ANAPC1: variants seen among roughly 807,000 people sequenced by gnomAD.
ANAPC1 encodes the protein anaphase-promoting complex subunit 1.
ANAPC1 carries 36 observed loss-of-function variants against 208.0 expected under a neutral mutation model. The observed-to-expected ratio is 0.17, with a 90% confidence interval of 0.13 to 0.23. The LOEUF is 0.23. Among genes scored for constraint, ANAPC1 ranks in the 10% least tolerant of loss-of-function variants. The probability of loss-of-function intolerance (pLI) is 1.00; values close to 1 mark genes in which losing one functional copy is unlikely to be tolerated. For synonymous variants in ANAPC1, 378 were observed against 695.2 expected (o/e 0.54, Z 7.18); for missense variants, 942 against 2,011.6 (o/e 0.47, Z 10.17).
At chr2:111,772,011 A>G (rs1676766813) in intron 47 of ANAPC1, among the ~76,000 whole-genome samples, 1 of 148,634 alleles carries the variant, frequency 6.7e-6, no homozygotes, top group Non-Finnish European at 1.5e-5. Context: ...GTGATTCTAA[A>G]AAACCCAACT....
chr2:111,861,423 G>C (rs1396773611), intron 10 of ANAPC1, among the ~76,000 whole-genome samples: 6 of 152,174 alleles, frequency 3.9e-5, no homozygotes, highest in Non-Finnish European at 8.8e-5. Context: ...AAACCAGAGT[G>C]GAAGTACTTG....
chr2:111,797,392 G>T (rs1485841896), intron 34 of ANAPC1, among the ~76,000 whole-genome samples: 3 of 151,962 alleles, frequency 2.0e-5, no homozygotes, highest in African/African-American at 7.3e-5. Flanking sequence ...GAAAGAAAAA[G>T]TATTTCATCC....
intron 22 of ANAPC1, 49 bp downstream of exon 22, chr2:111,825,728 C>G (rs1362248405): frequency 6.4e-7 from 1 of 1,569,226 alleles, no homozygotes; most frequent in Non-Finnish European, 8.7e-7. Flanking sequence ...AATTCTGATA[C>G]TGACATTTAC....
chr2:111,874,600 T>C (rs933743952), intron 3 of ANAPC1, among the ~76,000 whole-genome samples: 1 of 152,196 alleles, frequency 6.6e-6, no homozygotes, highest in African/African-American at 2.4e-5. Flanking sequence ...TGTATCAGAA[T>C]TTTATCCCTT....
chr2:111,863,068 G>C (rs13021896), intron 9 of ANAPC1, among the ~76,000 whole-genome samples: 1 of 151,598 alleles, frequency 6.6e-6, no homozygotes, highest in African/African-American at 2.4e-5. Flanking sequence ...AAATAAAATA[G>C]TGCCACAGTA....
Position 111,769,678 on chromosome 2 carries a change from T to TTC in ANAPC1, c.5720-273_5720-272insGA, listed in dbSNP as rs1491030613. 3.3e-4 allele frequency among the ~76,000 whole-genome samples: 12 copies of TTC among 36,692 alleles called. 1 individual carries two copies. Among genetic ancestry groups the TTC allele is most frequent in the Non-Finnish European group, 2.4e-4 (4 of 16,740 alleles). The allele number at this position is 36,692 out of a possible 152,430, so 24.1% of individuals were successfully genotyped here. A position where few individuals can be genotyped will look rare whatever the true frequency, so the allele number is the denominator to read the frequency against. On this transcript the variant is annotated intron_variant, in intron 47 of 47. Transcript: ENST00000341068. ...ATATCTGCATTACACCTACTGGCTT[T>TTC]CTTTTTTTTTTTTTTTTTTTGGAGA...
intron 7 of ANAPC1, among the ~76,000 whole-genome samples, chr2:111,867,651 C>G (rs1682505989): frequency 6.6e-6 from 1 of 150,834 alleles, no homozygotes; most frequent in Admixed American, 6.6e-5. Context: ...GAGATCACAC[C>G]ACTGCACTCC....
At chr2:111,826,137 C>G (rs1679818622) in intron 21 of ANAPC1, among the ~76,000 whole-genome samples, 1 of 152,216 alleles carries the variant, frequency 6.6e-6, no homozygotes, top group Non-Finnish European at 1.5e-5. Flanking sequence ...ATCCTTCTGC[C>G]TCAGCCTCCC....
intron 17 of ANAPC1, among the ~76,000 whole-genome samples, chr2:111,838,763 G>A (rs1044853804): frequency 1.3e-5 from 2 of 152,130 alleles, no homozygotes; most frequent in African/African-American, 2.4e-5. Flanking sequence ...GATTTTAATG[G>A]TAGTTTCCTT....
chr2:111,816,879 A>G (rs1679264843), intron 27 of ANAPC1, among the ~76,000 whole-genome samples: 1 of 109,182 alleles, frequency 9.2e-6, no homozygotes, highest in Non-Finnish European at 1.9e-5. Context: ...CTCAACTGCT[A>G]GTGTTAGCAC....
rs34574346 is a variant in ANAPC1, at chr2:111,826,665, A to ATT, written c.2626-812_2626-811dup. 1.2e-3 allele frequency among the ~76,000 whole-genome samples: 168 copies of ATT among 139,292 alleles called. 1 individual carries two copies. Among genetic ancestry groups the ATT allele is most frequent in the African/African-American group, 1.5e-3 (56 of 37,116 alleles). 91.4% of individuals were successfully genotyped at this position (139,292 alleles called of 152,430 possible). ...CCAAAGCTGCTTTATTTATTTATTT[A>ATT]TTTTTTTTTTTTTTGAGACGGAGTC... is the stretch of plus-strand genomic sequence containing the variant. On this transcript the variant is annotated intron_variant, in intron 21 of 47. Transcript: ENST00000341068.
chr2:111,793,290 G>C (rs1278270264), intron 37 of ANAPC1, among the ~76,000 whole-genome samples: 1 of 151,936 alleles, frequency 6.6e-6, no homozygotes, highest in African/African-American at 2.4e-5. Flanking sequence ...CCAGGCTGAA[G>C]TGCAGTGATG....
At chr2:111,854,444 G>A (rs1313936407) in intron 13 of ANAPC1, among the ~76,000 whole-genome samples, 1 of 152,182 alleles carries the variant, frequency 6.6e-6, no homozygotes, top group East Asian at 1.9e-4. Context: ...GTCACCAGCT[G>A]CATTAGCCCC....
At chr2:111,798,310 G>A (rs1230201975) in intron 34 of ANAPC1, among the ~76,000 whole-genome samples, 2 of 152,182 alleles carry the variant, frequency 1.3e-5, no homozygotes, top group African/African-American at 4.8e-5. Context: ...TGTGTTTACC[G>A]TGCTTGAACT....
chr2:111,846,423 TAATAC>T (rs1202898871), intron 16 of ANAPC1, among the ~76,000 whole-genome samples: 5 of 131,132 alleles, frequency 3.8e-5, no homozygotes, highest in East Asian at 4.2e-4. Context: ...AAAACATCAT[TAATAC>T]ATTACAGAAA....
At chr2:111,865,626 GGTTT>G (rs1682361438) in intron 7 of ANAPC1, among the ~76,000 whole-genome samples, 1 of 151,778 alleles carries the variant, frequency 6.6e-6, no homozygotes, top group Non-Finnish European at 1.5e-5. Context: ...GAGAATTTTT[GGTTT>G]TTTTCATACA....
rs762732205 is a variant in ANAPC1 at position 111,856,679 on chromosome 2, T to C, written c.1450A>G (p.Lys484Glu). Reference protein sequence around the residue: ...IPAKDAAPVEKIDTMLVLEGS... With the variant: ...IPAKDAAPVEEIDTMLVLEGS... ...TCCAAGACCAGCATGGTGTCTATTT[T>C]CTAAAAAAACAAAAAAGACAAAAAA... The change falls in exon 13 of 48, where the codon AAA (lysine) becomes GAA (glutamate). Residue 484 changes from lysine to glutamate, a missense_variant and splice_region_variant. Transcript: ENST00000341068. 1.3e-5 allele frequency: 21 copies of C among 1,613,768 alleles called. No homozygotes were observed. In the South Asian group the frequency reaches 1.8e-4, roughly 13 times the overall value.
Position 111,858,262 on chromosome 2 carries a change from G to A in ANAPC1, c.1358+44C>T, listed in dbSNP as rs370729281. ...AAAGAAAAGAAAAAGAAAAAGCAGT[G>A]CTAAGTTATTTATACAGAAACAATG... On this transcript the variant is annotated intron_variant, in intron 11 of 47. Transcript: ENST00000341068. The A allele has an allele frequency of 4.3e-5, 63 of 1,469,884 alleles. No individual in the cohort carries two copies. In the African/African-American group the frequency reaches 7.3e-4, roughly 17 times the overall value. The allele number at this position is 1,469,884 out of a possible 1,614,324, so 91.1% of individuals were successfully genotyped here. A position where few individuals can be genotyped will look rare whatever the true frequency, so the allele number is the denominator to read the frequency against.
chr2:111,858,078 T>C (rs1439150720), intron 11 of ANAPC1, among the ~76,000 whole-genome samples: 2 of 152,084 alleles, frequency 1.3e-5, no homozygotes, highest in African/African-American at 4.8e-5. Context: ...CACAAGGAAA[T>C]CTTTTTATGG....
Sources: allele counts gnomAD v4.1 joint callset (sites outside exome capture counted in the v4.1 genomes callset), GRCh38; gene constraint gnomAD v4.1.1; transcripts MANE v1.5; gene names NCBI Gene and HGNC (gene_info 2026-07-23, HGNC 2026-07-21).